The following MTCL2 variants were observed in gnomAD, a reference collection of about 807,000 sequenced individuals.
The protein encoded by MTCL2 is microtubule crosslinking factor 2.
the MTCL2 span, among the ~76,000 whole-genome samples, chr20:36,827,021 G>GTTTT: frequency 9.1e-6 from 1 of 109,974 alleles, no homozygotes; most frequent in African/African-American, 3.5e-5. Flanking sequence ...TTATCATCCT[G>GTTTT]CTTTATTTAT....
the MTCL2 span, among the ~76,000 whole-genome samples, chr20:36,855,927 C>T: frequency 1.3e-5 from 2 of 152,114 alleles, no homozygotes; most frequent in African/African-American, 4.8e-5. Flanking sequence ...TCCTCCCTCC[C>T]CAGGCCTCTC....
the MTCL2 span, among the ~76,000 whole-genome samples, chr20:36,852,503 A>G: frequency 6.6e-6 from 1 of 152,132 alleles, no homozygotes; most frequent in Non-Finnish European, 1.5e-5. Flanking sequence ...ATATGCAAAA[A>G]ACTCCGCAGA....
At chr20:36,806,068 T>A in the MTCL2 span, 1 of 757,250 alleles carries the variant, frequency 1.3e-6, no homozygotes, top group Non-Finnish European at 2.1e-6. Flanking sequence ...CAGGCCCTCC[T>A]AGCCTCCCAC....
the MTCL2 span, chr20:36,782,314 G>A: frequency 6.6e-6 from 1 of 152,118 alleles, no homozygotes. Context: ...GCATATTCTG[G>A]GTATTCTGGA....
At chr20:36,808,748 C>G in the MTCL2 span, 1 of 1,575,002 alleles carries the variant, frequency 6.3e-7, no homozygotes. Flanking sequence ...CTTCAGCTGC[C>G]GGGGGACAAG....
At chr20:36,824,941 C>T in the MTCL2 span, among the ~76,000 whole-genome samples, 2 of 146,662 alleles carry the variant, frequency 1.4e-5, no homozygotes, top group African/African-American at 2.5e-5. Flanking sequence ...CTGAATTGTA[C>T]ACTTTTTTTT....
At chr20:36,846,439 T>C in the MTCL2 span, among the ~76,000 whole-genome samples, 1 of 152,146 alleles carries the variant, frequency 6.6e-6, no homozygotes, top group Non-Finnish European at 1.5e-5. Flanking sequence ...AATAGGAGCA[T>C]GGGGGAGGAT....
chr20:36,837,601 G>A, the MTCL2 span, among the ~76,000 whole-genome samples: 3 of 149,582 alleles, frequency 2.0e-5, no homozygotes, highest in East Asian at 3.9e-4. Context: ...TTTTTGAGAC[G>A]GAGTCTCACT....
chr20:36,856,083 ACT>A, the MTCL2 span, among the ~76,000 whole-genome samples: 1 of 150,094 alleles, frequency 6.7e-6, no homozygotes, highest in East Asian at 2.0e-4. Flanking sequence ...CCCTTCCCAG[ACT>A]CTCCCCATCC....
the MTCL2 span, chr20:36,786,495 G>T: frequency 5.0e-5 from 77 of 1,544,676 alleles, no homozygotes; most frequent in African/African-American, 4.5e-4. Flanking sequence ...TCACTCGCTG[G>T]GGGGGAGTGC....
At chr20:36,845,023 AAAAGAAG>A in the MTCL2 span, among the ~76,000 whole-genome samples, 1 of 151,546 alleles carries the variant, frequency 6.6e-6, no homozygotes, top group Non-Finnish European at 1.5e-5. Flanking sequence ...AAAAAAAAAA[AAAAGAAG>A]AAGAAGAAGA....
chr20:36,837,701 T>G, the MTCL2 span, among the ~76,000 whole-genome samples: 1 of 151,478 alleles, frequency 6.6e-6, no homozygotes, highest in East Asian at 2.0e-4. Flanking sequence ...TCTCAGCCCC[T>G]GAGTAGCTGG....
At chr20:36,812,357 C>T in the MTCL2 span, among the ~76,000 whole-genome samples, 1 of 152,192 alleles carries the variant, frequency 6.6e-6, no homozygotes, top group East Asian at 1.9e-4. Context: ...AGAGTGGATC[C>T]ACAATTGAAA....
At chr20:36,799,053 G>GCAA in the MTCL2 span, among the ~76,000 whole-genome samples, 2 of 152,098 alleles carry the variant, frequency 1.3e-5, no homozygotes, top group Non-Finnish European at 2.9e-5. Context: ...AGTAATAAGG[G>GCAA]CAACAATGAA....
chr20:36,863,001 C>T, the MTCL2 span: 2 of 1,403,696 alleles, frequency 1.4e-6, no homozygotes, highest in Non-Finnish European at 1.9e-6. The surrounding 1 kb of genome is among the most constrained non-coding windows in gnomAD (Gnocchi z 6.2). Flanking sequence ...ATCCGTGAGG[C>T]TGGGGGGCGG....
the MTCL2 span, among the ~76,000 whole-genome samples, chr20:36,832,251 CACCCCTGGCT>C: frequency 2.0e-5 from 3 of 152,194 alleles, no homozygotes; most frequent in Non-Finnish European, 2.9e-5. Flanking sequence ...GGAAGGGCTG[CACCCCTGGCT>C]GGGGTGAGGG....
At chr20:36,787,906 A>G in the MTCL2 span, among the ~76,000 whole-genome samples, 2 of 142,316 alleles carry the variant, frequency 1.4e-5, no homozygotes, top group African/African-American at 5.3e-5. Flanking sequence ...AAAAAAAAAA[A>G]GTGCTGCTGG....
the MTCL2 span, chr20:36,829,165 C>T: frequency 6.0e-5 from 96 of 1,609,420 alleles, no homozygotes; most frequent in Non-Finnish European, 7.6e-5. Flanking sequence ...GTTTCTTCTC[C>T]ACCACCTCGA....
chr20:36,814,165 A>G, the MTCL2 span, among the ~76,000 whole-genome samples: 1 of 152,150 alleles, frequency 6.6e-6, no homozygotes, highest in Non-Finnish European at 1.5e-5. Context: ...ACTCTGCCCC[A>G]CTAGATGATA....
Sources: gnomAD v4.1 joint callset for allele counts (sites outside exome capture counted in the v4.1 genomes callset) on GRCh38, gnomAD v4.1.1 for gene constraint, Gnocchi (gnomAD v3.1) non-coding constraint, MANE v1.5 for transcripts, NCBI Gene and HGNC (gene_info 2026-07-23, HGNC 2026-07-21) for gene names.